SLC8A3: variants seen among roughly 807,000 people sequenced by gnomAD.
SLC8A3 encodes the protein solute carrier family 8 member A3.
In SLC8A3, 37 loss-of-function variants were observed where a neutral mutation model predicts 65.4. The observed-to-expected ratio is 0.57, with a 90% CI of 0.44 to 0.74. SLC8A3 has a LOEUF of 0.74. Ranked by LOEUF, SLC8A3 falls within the 30% of genes least tolerant of loss-of-function variation. The pLI is 0.00. For missense variants in SLC8A3, 1,112 were observed against 1,172.1 expected (o/e 0.95, Z 0.75); for synonymous variants, 461 against 444.5 (o/e 1.04, Z -0.47).
chr14:70,075,284 A>G (rs531394971), intron 2 of SLC8A3, among the ~76,000 whole-genome samples: 1 of 151,970 alleles, frequency 6.6e-6, no homozygotes, highest in African/African-American at 2.4e-5. Flanking sequence ...CTCTTCCTTC[A>G]CTCCTCACTG....
At chr14:70,141,856 T>C (rs1374751513) in intron 2 of SLC8A3, among the ~76,000 whole-genome samples, 1 of 152,262 alleles carries the variant, frequency 6.6e-6, no homozygotes, top group Non-Finnish European at 1.5e-5. Flanking sequence ...GCTCTCTGTC[T>C]TCCTCCCTGG....
chr14:70,104,942 G>T (rs1594989374), intron 2 of SLC8A3, among the ~76,000 whole-genome samples: 6 of 152,132 alleles, frequency 3.9e-5, no homozygotes, highest in Admixed American at 3.9e-4. Flanking sequence ...AGGAAGAAAA[G>T]AATAAAGATA....
At chr14:70,102,195 T>C (rs1892592923) in intron 2 of SLC8A3, among the ~76,000 whole-genome samples, 1 of 152,208 alleles carries the variant, frequency 6.6e-6, no homozygotes, top group Admixed American at 6.5e-5. Context: ...ACTCATTGAC[T>C]ATCTCAGGCA....
chr14:70,103,731 A>G (rs1892681832), intron 2 of SLC8A3, among the ~76,000 whole-genome samples: 1 of 152,058 alleles, frequency 6.6e-6, no homozygotes, highest in Non-Finnish European at 1.5e-5. Flanking sequence ...TAAACAAGGA[A>G]ATGAGGAACA....
At chr14:70,051,891 T>C (rs1303031340) in intron 4 of SLC8A3, 99 bp downstream of exon 4, 5 of 981,126 alleles carry the variant, frequency 5.1e-6, no homozygotes, top group African/African-American at 1.6e-5. Context: ...AGTTTCAACT[T>C]CACATATTCA....
At chr14:70,187,675 G>C (rs955354268) in intron 1 of SLC8A3, among the ~76,000 whole-genome samples, 7 of 151,264 alleles carry the variant, frequency 4.6e-5, no homozygotes, top group Middle Eastern at 3.4e-3. Context: ...ATCGGGGGAG[G>C]GTTAGTTATA....
intron 2 of SLC8A3, among the ~76,000 whole-genome samples, chr14:70,118,779 T>G (rs1187023896): frequency 6.6e-6 from 1 of 152,136 alleles, no homozygotes; most frequent in African/African-American, 2.4e-5. Context: ...TTTGGGATGT[T>G]CTGTGTGGAG....
chr14:70,174,365 G>C (rs1897735967), intron 1 of SLC8A3, among the ~76,000 whole-genome samples: 1 of 152,188 alleles, frequency 6.6e-6, no homozygotes, highest in Non-Finnish European at 1.5e-5. Flanking sequence ...GACCCTCTTA[G>C]GGCAGCAGCT....
chr14:70,103,941 T>C (rs1892693166), intron 2 of SLC8A3, among the ~76,000 whole-genome samples: 1 of 151,992 alleles, frequency 6.6e-6, no homozygotes, highest in African/African-American at 2.4e-5. Flanking sequence ...AATGGAAAAA[T>C]ATAAACTATG....
At chr14:70,062,797 T>A (rs1050347192) in intron 2 of SLC8A3, among the ~76,000 whole-genome samples, 2 of 152,220 alleles carry the variant, frequency 1.3e-5, no homozygotes, top group Admixed American at 6.5e-5. Flanking sequence ...GCCCTAGATA[T>A]GGGACCCCAG....
intron 2 of SLC8A3, chr14:70,063,968 A>G (rs751844161): frequency 1.8e-6 from 2 of 1,135,382 alleles, no homozygotes; most frequent in South Asian, 1.3e-5. Context: ...CAAGGAGTAG[A>G]GTGTAGGACA....
At chr14:70,082,570 G>A (rs1891127769) in intron 2 of SLC8A3, among the ~76,000 whole-genome samples, 1 of 152,164 alleles carries the variant, frequency 6.6e-6, no homozygotes, top group South Asian at 2.1e-4. Context: ...AGGTCTGCAA[G>A]CCCTCTTCCT....
chr14:70,076,350 A>G (rs1320159953), intron 2 of SLC8A3, among the ~76,000 whole-genome samples: 3 of 152,222 alleles, frequency 2.0e-5, no homozygotes, highest in Non-Finnish European at 2.9e-5. Flanking sequence ...CTTCATCAGA[A>G]TAAAAGCTCC....
At chr14:70,187,778 C>A (rs549302162) in intron 1 of SLC8A3, among the ~76,000 whole-genome samples, 1 of 152,272 alleles carries the variant, frequency 6.6e-6, no homozygotes. Context: ...CCCTCGCCCC[C>A]TTGGCCCCAG....
At chr14:70,050,975 C>T in intron 5 of SLC8A3, 33 bp downstream of exon 5, 1 of 1,443,650 alleles carries the variant, frequency 6.9e-7, no homozygotes, top group Non-Finnish European at 9.8e-7. Flanking sequence ...TTGCCTGCTT[C>T]TCCCAGCAAG....
intron 2 of SLC8A3, among the ~76,000 whole-genome samples, chr14:70,065,702 T>G (rs1185441433): frequency 6.6e-6 from 1 of 152,202 alleles, no homozygotes; most frequent in African/African-American, 2.4e-5. Flanking sequence ...TAGCAACCAT[T>G]ATCACTAAGA....
At chr14:70,165,214 C>T (rs1897102442) in intron 2 of SLC8A3, among the ~76,000 whole-genome samples, 1 of 152,156 alleles carries the variant, frequency 6.6e-6, no homozygotes. Flanking sequence ...AATGACCTGC[C>T]CCAAGTCACA....
In SLC8A3 at chr14:70,067,319, C is replaced by G. The variant is rs561865492; in HGVS notation, c.1785-6380G>C. ...CACCACTTTCAGTCACTCAACACAG[C>G]CTGAAGTTAGTTAGTTAGTTACTGG... On this transcript the variant is annotated intron_variant, in intron 2 of 6. Coordinates refer to ENST00000356921, the MANE Select transcript of SLC8A3 (RefSeq NM_182932.3). Among the ~76,000 whole-genome samples, 228 of 152,316 alleles carry G rather than the reference C, an allele frequency of 1.5e-3. 1 individual carries two copies. The highest frequency in any genetic ancestry group is 2.7e-3 in the Non-Finnish European group (183 of 68,020).
In SLC8A3 at chr14:70,044,809, CT is replaced by C. The variant is rs1886575696; in HGVS notation, c.*1137del. 6.6e-6 allele frequency: 1 copy of C among 152,184 alleles called. No individual in the cohort carries two copies. The highest frequency in any genetic ancestry group is 1.5e-5 in the Non-Finnish European group (1 of 68,038). 9.4% of individuals were successfully genotyped at this position (152,184 alleles called of 1,614,324 possible). Reference sequence around the variant, plus strand: ...CACTTCAAGAAATATAGTCAGCCCTCTTTGTATAGAGCATTAGGAAGCAAGA... The same window carrying C: ...CACTTCAAGAAATATAGTCAGCCCTCTTGTATAGAGCATTAGGAAGCAAGA... On this transcript the variant is annotated 3_prime_UTR_variant, in exon 7 of 7. Transcript: ENST00000356921.
Sources: allele counts gnomAD v4.1 joint callset (sites outside exome capture counted in the v4.1 genomes callset), GRCh38; gene constraint gnomAD v4.1.1; transcripts MANE v1.5; gene names NCBI Gene and HGNC (gene_info 2026-07-23, HGNC 2026-07-21).